Variants in YTHDC2 observed in about 807,000 individuals in gnomAD.
YTHDC2 encodes the protein 3'-5' RNA helicase YTHDC2.
Under a neutral mutation model 174.9 loss-of-function variants are expected in YTHDC2, and 45 were observed. The observed-to-expected ratio is 0.26, with a 90% CI of 0.20 to 0.33. The LOEUF (loss-of-function observed/expected upper bound fraction) is 0.33. YTHDC2 is among the 10% of genes least tolerant of loss of function. YTHDC2 has a pLI of 1.00. For missense variants in YTHDC2, 1,650 were observed against 1,723.7 expected (o/e 0.96, Z 0.76); for synonymous variants, 657 against 574.5 (o/e 1.14, Z -2.05).
intron 23 of YTHDC2, among the ~76,000 whole-genome samples, chr5:113,574,637 T>C (rs1475210424): frequency 2.6e-5 from 4 of 152,102 alleles, no homozygotes; most frequent in Admixed American, 2.0e-4. Flanking sequence ...AACCCACTGC[T>C]GTTGGCTGGC....
intron 1 of YTHDC2, among the ~76,000 whole-genome samples, chr5:113,514,776 A>G (rs1010517668): frequency 1.3e-5 from 2 of 152,256 alleles, no homozygotes; most frequent in African/African-American, 2.4e-5. Context: ...AGCCTCAGCA[A>G]TATATAACAA....
At chr5:113,523,672 A>AT (rs1774026387) in intron 2 of YTHDC2, among the ~76,000 whole-genome samples, 1 of 152,140 alleles carries the variant, frequency 6.6e-6, no homozygotes, top group African/African-American at 2.4e-5. Context: ...TCATTGAAAT[A>AT]TTCAATAAGG....
At chr5:113,515,007 G>A (rs181448095) in intron 1 of YTHDC2, among the ~76,000 whole-genome samples, 5 of 152,030 alleles carry the variant, frequency 3.3e-5, no homozygotes, top group African/African-American at 1.2e-4. Context: ...GAATATCAGA[G>A]GCCTTTATCA....
chr5:113,545,126 T>G (rs1024698802), intron 10 of YTHDC2, among the ~76,000 whole-genome samples: 6 of 152,190 alleles, frequency 3.9e-5, no homozygotes, highest in Admixed American at 2.0e-4. Flanking sequence ...ATCTATTGCA[T>G]TAATAAGCTT....
chr5:113,553,736 ATAGTATG>A lies in YTHDC2; in HGVS notation c.1965-29_1965-23del, dbSNP rs760754126. 5 of 1,612,534 alleles carry A rather than the reference ATAGTATG, an allele frequency of 3.1e-6. No homozygotes were observed. In the South Asian group the frequency reaches 4.4e-5, roughly 14 times the overall value. On this transcript the variant is annotated intron_variant, in intron 14 of 29. Transcript: ENST00000161863. ...TTGCTTAAAATAACGGACAGGTCTT[ATAGTATG>A]TTTTCTCTTTCAATTGTCTGCAGAT... is the stretch of plus-strand genomic sequence containing the variant.
intron 7 of YTHDC2, among the ~76,000 whole-genome samples, chr5:113,536,068 A>G (rs1775047845): frequency 6.6e-6 from 1 of 152,158 alleles, no homozygotes; most frequent in Admixed American, 6.5e-5. Flanking sequence ...TTGTCCTATA[A>G]CTATTTCCCT....
At chr5:113,584,258 G>A (rs563092874) in intron 25 of YTHDC2, 44 bp from the exon 26 acceptor site, 15 of 1,522,006 alleles carry the variant, frequency 9.9e-6, no homozygotes, top group African/African-American at 9.7e-5. Context: ...TTTGTATGAC[G>A]AACTTATATA....
intron 17 of YTHDC2, among the ~76,000 whole-genome samples, chr5:113,560,181 ATTATT>A (rs1320584244): frequency 6.6e-6 from 1 of 152,106 alleles, no homozygotes; most frequent in East Asian, 1.9e-4. Context: ...CTCCTTCTGA[ATTATT>A]TTATTTTCTA....
chr5:113,561,249 C>T, intron 18 of YTHDC2, 64 bp downstream of exon 18: 1 of 1,284,392 alleles, frequency 7.8e-7, no homozygotes. Context: ...GCCATTTCAA[C>T]TTCTATGGAT....
chr5:113,549,194 T>A (rs1173122808), intron 12 of YTHDC2, among the ~76,000 whole-genome samples, 174 bp downstream of exon 12: 1 of 152,192 alleles, frequency 6.6e-6, no homozygotes, highest in Non-Finnish European at 1.5e-5. Flanking sequence ...ATTTGTCTTA[T>A]TTTAAGAAAT....
intron 7 of YTHDC2, 79 bp from the exon 8 acceptor site, chr5:113,538,995 T>C: frequency 2.9e-6 from 2 of 700,028 alleles, no homozygotes; most frequent in Non-Finnish European, 4.5e-6. Context: ...CTGAGATTCA[T>C]TAACTTGGGA....
At chr5:113,578,890 C>T (rs1156279137) in intron 23 of YTHDC2, among the ~76,000 whole-genome samples, 7 of 152,006 alleles carry the variant, frequency 4.6e-5, no homozygotes, top group Non-Finnish European at 2.9e-5. Flanking sequence ...TAATTAATTT[C>T]TTTGAAGATT....
At chr5:113,553,901 TTC>T (rs760866921) in intron 15 of YTHDC2, 39 bp from the exon 16 acceptor site, 8 of 1,583,310 alleles carry the variant, frequency 5.1e-6, no homozygotes, top group Non-Finnish European at 6.0e-6. Context: ...TAGTTATTTT[TTC>T]TGTTTTTTTA....
intron 23 of YTHDC2, among the ~76,000 whole-genome samples, chr5:113,575,204 C>T (rs1409588742): frequency 6.6e-6 from 1 of 152,146 alleles, no homozygotes; most frequent in Non-Finnish European, 1.5e-5. Flanking sequence ...CCTGGCATAA[C>T]ACATTTAAAA....
intron 26 of YTHDC2, among the ~76,000 whole-genome samples, chr5:113,586,556 T>C (rs1364390692): frequency 6.6e-6 from 1 of 151,876 alleles, no homozygotes; most frequent in Admixed American, 6.6e-5. Context: ...GATTAGTATT[T>C]TTTTGTGTAC....
At chr5:113,567,569 TGAGA>T (rs1777430722) in intron 22 of YTHDC2, 81 bp from the exon 23 acceptor site, 6 of 1,196,088 alleles carry the variant, frequency 5.0e-6, no homozygotes, top group Non-Finnish European at 6.9e-6. Flanking sequence ...TCTATTTCAT[TGAGA>T]GACTTTACAT....
At chr5:113,585,554 T>C (rs1023242033) in intron 26 of YTHDC2, among the ~76,000 whole-genome samples, 8 of 151,982 alleles carry the variant, frequency 5.3e-5, no homozygotes, top group Non-Finnish European at 1.2e-4. Context: ...GGCAAATGTA[T>C]ACAATCATGT....
intron 23 of YTHDC2, among the ~76,000 whole-genome samples, chr5:113,575,776 G>T (rs1778004512): frequency 6.6e-6 from 1 of 152,158 alleles, no homozygotes; most frequent in African/African-American, 2.4e-5. Context: ...TTGGCTAAGG[G>T]GATGAATTAC....
rs755191488 is a variant in YTHDC2, at chr5:113,525,167, A to G, written c.465A>G (p.Ala155=). The G allele has an allele frequency of 6.3e-7, 1 of 1,595,162 alleles. No individual in the cohort carries two copies. The highest frequency in any genetic ancestry group is 8.5e-7 in the Non-Finnish European group (1 of 1,172,974). The change falls in exon 3 of 30, where the codon GCA becomes GCG. Residue 155 remains alanine, a synonymous_variant. Coordinates refer to ENST00000161863, the MANE Select transcript of YTHDC2 (RefSeq NM_022828.5). ...AAACAGAAAGAGGAAATGTGTTTGC[A>G]GTTGAAGCTGGTATGTATTTTCTGG... ...LPKTERGNVF[A]VEAENREMSK...
Sources: gnomAD v4.1 joint callset for allele counts (sites outside exome capture counted in the v4.1 genomes callset) on GRCh38, gnomAD v4.1.1 for gene constraint, MANE v1.5 for transcripts, NCBI Gene and HGNC (gene_info 2026-07-23, HGNC 2026-07-21) for gene names.